Variants in POMT1 observed in about 807,000 individuals in gnomAD.
The protein encoded by POMT1 is protein O-mannosyltransferase 1, also known as protein O-mannosyl-transferase 1.
Under a neutral mutation model 101.6 loss-of-function variants are expected in POMT1, and 85 were observed. That is an observed-to-expected ratio of 0.84 (90% CI 0.70 to 1.00). The LOEUF (loss-of-function observed/expected upper bound fraction) is 1.00. POMT1 is among the 50% of genes least tolerant of loss of function. POMT1 has a pLI of 0.00. For synonymous variants in POMT1, 371 were observed against 383.0 expected (o/e 0.97, Z 0.37); for missense variants, 857 against 930.4 (o/e 0.92, Z 1.03).
intron 13 of POMT1, among the ~76,000 whole-genome samples, chr9:131,515,822 AACACAGGACACTTCCTCAC>A (rs1948308595): frequency 1.7e-5 from 1 of 58,954 alleles, no homozygotes; most frequent in African/African-American, 5.4e-5. Context: ...CACTTCCTCT[AACACAGGACACTTCCTCAC>A]ACGGAGCACT....
chr9:131,509,169 T>C, intron 6 of POMT1, 147 bp downstream of exon 6: 1 of 689,732 alleles, frequency 1.4e-6, no homozygotes, highest in Admixed American at 2.3e-5. Flanking sequence ...ATATCTTTTT[T>C]TTTGAGACGG....
chr9:131,514,972 T>C (rs759796546), intron 12 of POMT1, among the ~76,000 whole-genome samples: 3 of 151,900 alleles, frequency 2.0e-5, no homozygotes, highest in Non-Finnish European at 4.4e-5. Context: ...AAAAAAGAAG[T>C]GGGTGTTCGT....
At chr9:131,505,335 C>T (rs1348802265) in intron 2 of POMT1, among the ~76,000 whole-genome samples, 6 of 136,346 alleles carry the variant, frequency 4.4e-5, no homozygotes, top group Non-Finnish European at 9.3e-5. Flanking sequence ...TTTACTCTGT[C>T]GCCCAGGCTG....
At chr9:131,514,508 T>C (rs754099146) in intron 12 of POMT1, among the ~76,000 whole-genome samples, 2 of 152,252 alleles carry the variant, frequency 1.3e-5, no homozygotes, top group Non-Finnish European at 2.9e-5. Context: ...TTAGTGGCAC[T>C]CCTACAGGTG....
At chr9:131,513,566 C>A (rs1267376404) in intron 12 of POMT1, among the ~76,000 whole-genome samples, 1 of 152,212 alleles carries the variant, frequency 6.6e-6, no homozygotes, top group Non-Finnish European at 1.5e-5. Context: ...AAGCACCTAG[C>A]ACAGCCCATC....
rs1018748368 is a variant in POMT1 at position 131,519,476 on chromosome 9, C to G, written c.1574C>G (p.Ser525Trp). Residue 525 changes from serine (S) to tryptophan (W), a missense_variant, in exon 16 of 20, where the codon TCG becomes TGG. By Grantham distance (177) the Ser-to-Trp change is radical (BLOSUM62 -3). Coordinates refer to ENST00000402686, the MANE Select transcript of POMT1 (RefSeq NM_001077365.2). This position sits in a 1 kb window ranked among gnomAD's most constrained non-coding sequence, Gnocchi z 4.3. The stretch of plus-strand genomic sequence containing the variant: ...AACCTCAGCTTCATGGCGAGATTCT[C>G]GGAGCTGCAGGTGAGGAGCGGCCAG... The part of the protein sequence containing the change: ...SRNLSFMARF[S>W]ELQWRMLALR... 6.4e-7 allele frequency: 1 copy of G among 1,550,400 alleles called. No individual in the cohort carries two copies. The highest frequency in any genetic ancestry group is 8.7e-7 in the Non-Finnish European group (1 of 1,146,986).
At chr9:131,514,382 C>T (rs994388372) in intron 12 of POMT1, among the ~76,000 whole-genome samples, 2 of 152,268 alleles carry the variant, frequency 1.3e-5, no homozygotes, top group Non-Finnish European at 2.9e-5. Flanking sequence ...CACTTGCTCC[C>T]TCTGCGAGAA....
chr9:131,517,124 C>G (rs542061097), intron 13 of POMT1, among the ~76,000 whole-genome samples: 11 of 152,394 alleles, frequency 7.2e-5, no homozygotes, highest in Admixed American at 3.9e-4. Flanking sequence ...TAGCTTCCCA[C>G]TGGCTTCAGC....
At chr9:131,507,821 C>A (rs1946188788) in intron 5 of POMT1, among the ~76,000 whole-genome samples, 1 of 152,206 alleles carries the variant, frequency 6.6e-6, no homozygotes, top group South Asian at 2.1e-4. Context: ...GATAACTTCC[C>A]CTTGTTCCAC....
At chr9:131,504,067 C>T in intron 1 of POMT1, 122 bp from the exon 2 acceptor site, 1 of 1,214,508 alleles carries the variant, frequency 8.2e-7, no homozygotes, top group Non-Finnish European at 1.2e-6. Context: ...GAACTTCGGT[C>T]TTTCTCAGCA....
chr9:131,505,546 C>T (rs1183024116), intron 2 of POMT1, among the ~76,000 whole-genome samples: 7 of 152,136 alleles, frequency 4.6e-5, no homozygotes, highest in Admixed American at 4.6e-4. Context: ...CAGGCGTGAG[C>T]CACCGTGCCT....
At chr9:131,521,019 T>TTA (rs1949814445) in intron 17 of POMT1, 2 of 370,794 alleles carry the variant, frequency 5.4e-6, no homozygotes, top group Admixed American at 7.4e-5. Context: ...TTTTTGTACT[T>TTA]TTTAATAGAG....
At chr9:131,505,224 T>C (rs1271355797) in intron 2 of POMT1, among the ~76,000 whole-genome samples, 1 of 151,966 alleles carries the variant, frequency 6.6e-6, no homozygotes, top group African/African-American at 2.4e-5. Flanking sequence ...GGCCCCTCCC[T>C]GCAGTGGTTT....
At chr9:131,516,753 C>T (rs1948767229) in intron 13 of POMT1, 1 of 152,344 alleles carries the variant, frequency 6.6e-6, no homozygotes, top group South Asian at 2.0e-4. Context: ...TGAAAGTTCT[C>T]CCAACCTGTT....
In POMT1 at chr9:131,512,051, G is replaced by A. The variant is rs1176701230; in HGVS notation, c.997G>A (p.Gly333Ser). 3.7e-6 allele frequency: 6 copies of A among 1,613,882 alleles called. No homozygotes were observed. In the East Asian group the frequency reaches 6.7e-5, roughly 18 times the overall value. Residue 333 changes from glycine (G) to serine (S), a missense_variant, in exon 11 of 20, where the codon GGC (glycine) becomes AGC (serine). Physicochemically the swap from Gly to Ser is moderately conservative, Grantham distance 56. Coordinates refer to ENST00000402686, the MANE Select transcript of POMT1 (RefSeq NM_001077365.2). ...GTTGACTTCACACAGATATGAGAAC[G>A]GCCGAGGCAGCTCCCACCAGCAACA... ...QDTYPMIYEN[G>S]RGSSHQQQVT...
At chr9:131,505,654 G>A (rs1371746858) in intron 2 of POMT1, among the ~76,000 whole-genome samples, 1 of 150,830 alleles carries the variant, frequency 6.6e-6, no homozygotes, top group East Asian at 1.9e-4. Context: ...ACCTCTCCCT[G>A]ATTGAAAACA....
At chr9:131,507,231 C>G in intron 4 of POMT1, 137 bp from the exon 5 acceptor site, 1 of 1,317,622 alleles carries the variant, frequency 7.6e-7, no homozygotes. Context: ...CACTCTGCTG[C>G]TGATGGGGTC....
chr9:131,523,018 T>A lies in POMT1; in HGVS notation c.2090T>A (p.Leu697His), dbSNP rs753872714. 2 of 1,610,406 alleles carry A rather than the reference T, an allele frequency of 1.2e-6. No homozygotes were observed. The highest frequency in any genetic ancestry group is 2.2e-5 in the South Asian group (2 of 90,718). Reference protein sequence around the residue: ...ACHVSNTLRPLTYGDKSLSPH... With the variant: ...ACHVSNTLRPHTYGDKSLSPH... Reference sequence around the variant, plus strand: ...CACGTGTCCAACACGCTGCGCCCACTCACCTACGGGGACAAGTCACTCTCG... The same window carrying A: ...CACGTGTCCAACACGCTGCGCCCACACACCTACGGGGACAAGTCACTCTCG... Residue 697 changes from leucine to histidine, a missense_variant, in exon 20 of 20, where the codon CTC becomes CAC. Transcript: ENST00000402686.
At chr9:131,515,980 T>A (rs140199845) in intron 13 of POMT1, among the ~76,000 whole-genome samples, 23 of 6,196 alleles carry the variant, frequency 3.7e-3, no homozygotes, top group South Asian at 0.026. Context: ...ACACTTCCTC[T>A]CACACTCACA....
Sources: gnomAD v4.1 joint callset for allele counts (sites outside exome capture counted in the v4.1 genomes callset) on GRCh38, gnomAD v4.1.1 for gene constraint, Gnocchi (gnomAD v3.1) non-coding constraint, MANE v1.5 for transcripts, NCBI Gene and HGNC (gene_info 2026-07-23, HGNC 2026-07-21) for gene names.